DHX34: variants seen among roughly 807,000 people sequenced by gnomAD.
The protein encoded by DHX34 is probable ATP-dependent RNA helicase DHX34.
DHX34 carries 96 observed loss-of-function variants against 111.1 expected under a neutral mutation model. The observed-to-expected ratio is 0.86, with a 90% CI of 0.73 to 1.02. The LOEUF is 1.02. Ranked by LOEUF, DHX34 falls within the 50% of genes least tolerant of loss-of-function variation. The pLI is 0.00. For synonymous variants in DHX34, 688 were observed against 670.4 expected (o/e 1.03, Z -0.41); for missense variants, 1,560 against 1,579.9 (o/e 0.99, Z 0.21).
At chr19:47,364,016 C>T (rs762146362) in intron 6 of DHX34, among the ~76,000 whole-genome samples, 3 of 152,074 alleles carry the variant, frequency 2.0e-5, no homozygotes, top group African/African-American at 2.4e-5. Flanking sequence ...CACATGGTCA[C>T]GAATGGCCAA....
intron 9 of DHX34, among the ~76,000 whole-genome samples, chr19:47,374,442 A>C (rs1970070428): frequency 6.6e-6 from 1 of 151,594 alleles, no homozygotes; most frequent in Admixed American, 6.6e-5. Flanking sequence ...CACTCAAAAA[A>C]AAAAAAAAAA....
At chr19:47,376,861 T>C (rs1456717365) in intron 12 of DHX34, 18 of 1,532,280 alleles carry the variant, frequency 1.2e-5, no homozygotes, top group Non-Finnish European at 1.4e-5. Context: ...AGGTGGGTCC[T>C]GCAGAGGGAG....
intron 7 of DHX34, among the ~76,000 whole-genome samples, chr19:47,368,899 T>G (rs1969885714): frequency 6.6e-6 from 1 of 151,830 alleles, no homozygotes; most frequent in Non-Finnish European, 1.5e-5. Flanking sequence ...TTGTTTTGTT[T>G]TGAGACAGTG....
intron 16 of DHX34, 189 bp downstream of exon 16, chr19:47,381,513 C>CGTG: frequency 1.3e-6 from 1 of 793,316 alleles, no homozygotes; most frequent in Non-Finnish European, 1.9e-6. Context: ...GAGCCTGGAG[C>CGTG]GCCACCTCTT....
At chr19:47,380,437 TC>T (rs2122382567) in intron 14 of DHX34, among the ~76,000 whole-genome samples, 1 of 151,918 alleles carries the variant, frequency 6.6e-6, no homozygotes, top group South Asian at 2.1e-4. Context: ...CAGGCTGACT[TC>T]CTGGAGTAGA....
In DHX34 at chr19:47,381,196, A is replaced by C. The variant is rs766643840; in HGVS notation, c.3170A>C (p.Asp1057Ala). The C allele has an allele frequency of 1.9e-6, 3 of 1,614,022 alleles. No homozygotes were observed. The Admixed American group carries it at 5.0e-5, about 27-fold the overall frequency. Reference sequence around the variant, plus strand: ...GCTGGCCTGCCACAGAATGACACAGACCTGTACAGCGACTGTCTCCGAACC... The same window carrying C: ...GCTGGCCTGCCACAGAATGACACAGCCCTGTACAGCGACTGTCTCCGAACC... Reference protein sequence around the residue: ...LTYNCLTNDTDLYSDCLRTFW... With the variant: ...LTYNCLTNDTALYSDCLRTFW... The change falls in exon 16 of 17, where the codon GAC (aspartate) becomes GCC (alanine). Residue 1057 changes from aspartate to alanine, a missense_variant. Asp to Ala is a moderately radical substitution (Grantham distance 126). Transcript: ENST00000328771.
intron 7 of DHX34, among the ~76,000 whole-genome samples, chr19:47,368,611 AAT>A (rs1491510854): frequency 8.2e-6 from 1 of 121,876 alleles, no homozygotes; most frequent in East Asian, 2.3e-4. Flanking sequence ...CGGTCCATTG[AAT>A]GTGTGTGTGT....
Position 47,353,649 on chromosome 19 carries a change from G to A in DHX34, c.619G>A (p.Val207Met). 1 of 1,613,230 alleles carries A rather than the reference G, an allele frequency of 6.2e-7. No individual in the cohort carries two copies. Among genetic ancestry groups the A allele is most frequent in the Non-Finnish European group, 8.5e-7 (1 of 1,179,950 alleles). ...CCTGCTGGCTGCTGGCTTCAGTCATGTGGCGTGCACCCAGCCCCGGCGGAT... is the reference window on the plus strand; with the variant it reads ...CCTGCTGGCTGCTGGCTTCAGTCATATGGCGTGCACCCAGCCCCGGCGGAT... ...QYLLAAGFSH[V>M]ACTQPRRIAC... The change falls in exon 2 of 17, where the codon GTG becomes ATG. Residue 207 changes from valine to methionine, a missense_variant. Coordinates refer to ENST00000328771, the MANE Select transcript of DHX34 (RefSeq NM_014681.6). This position sits in a 1 kb window ranked among gnomAD's most constrained non-coding sequence, Gnocchi z 4.6.
Position 47,380,992 on chromosome 19 carries a change from G to C in DHX34, c.3159G>C (p.Thr1053=). The change falls in exon 15 of 17, where the codon ACG becomes ACC. Residue 1053 remains threonine (T), a splice_region_variant and synonymous_variant. Transcript: ENST00000328771. ...ACTTCCTCACCTACAACTGCCTCAC[G>C]GTAAGCATGAACCCTCCTTCCCTGA... ...VTDFLTYNCL[T]NDTDLYSDCL... is the part of the protein sequence containing the mutation. 1 of 1,570,808 alleles carries C rather than the reference G, an allele frequency of 6.4e-7. No individual in the cohort carries two copies.
At position 47,357,916 on chromosome 19, in the gene DHX34, G is replaced by C. The variant is rs778289113; in HGVS notation, c.1068G>C (p.Lys356Asn). 5 of 1,613,906 alleles carry C rather than the reference G, an allele frequency of 3.1e-6. No homozygotes were observed. The African/African-American group carries it at 6.7e-5, about 22-fold the overall frequency. ...AGCCGACCACGTCCAAGTCAGAGAA[G>C]CTGGACCCGCGGCCTTTCCTGAGGG... The part of the protein sequence containing the change: ...EAEPTTSKSE[K>N]LDPRPFLRVL... Residue 356 changes from lysine to asparagine, a missense_variant, in exon 4 of 17, where the codon AAG (lysine) becomes AAC (asparagine). Physicochemically the swap from Lys to Asn is moderately conservative, Grantham distance 94. Coordinates refer to ENST00000328771, the MANE Select transcript of DHX34 (RefSeq NM_014681.6).
In DHX34 at chr19:47,360,084, T is replaced by C; in HGVS notation, c.1375+14T>C. The C allele has an allele frequency of 6.2e-7, 1 of 1,612,230 alleles. No homozygotes were observed. Among genetic ancestry groups the C allele is most frequent in the South Asian group, 1.1e-5 (1 of 91,044 alleles). ...TAGTAGATTCCGGTAAGGACCACCA[T>C]GAGCCCCTACCCACCACCCCCAAGG... is the stretch of plus-strand genomic sequence containing the variant. On this transcript the variant is annotated intron_variant, in intron 5 of 16. Coordinates refer to ENST00000328771, the MANE Select transcript of DHX34 (RefSeq NM_014681.6).
chr19:47,362,330 A>C, intron 5 of DHX34, 146 bp from the exon 6 acceptor site: 4 of 1,208,694 alleles, frequency 3.3e-6, no homozygotes, highest in Non-Finnish European at 4.2e-6. Flanking sequence ...ACAAAATGTC[A>C]GAGTTGGGCC....
chr19:47,352,901 A>G lies in DHX34; in HGVS notation c.-130A>G, dbSNP rs1221556784. On this transcript the variant is annotated 5_prime_UTR_variant, in exon 2 of 17. Transcript: ENST00000328771. ...GTCCTGTGCCGTGACCAGGAGGAAA[A>G]ATTAGCTCTTTGAAGAGAAAGTAGT... is the stretch of plus-strand genomic sequence containing the variant. The G allele has an allele frequency of 5.5e-6, 8 of 1,446,390 alleles. No homozygotes were observed. The highest frequency in any genetic ancestry group is 7.3e-6 in the Non-Finnish European group (8 of 1,101,664). The allele number at this position is 1,446,390 out of a possible 1,614,324, so 89.6% of individuals were successfully genotyped here.
Position 47,377,036 on chromosome 19 carries a change from G to A in DHX34, c.2600-64G>A, listed in dbSNP as rs1599775352. 3 of 1,610,332 alleles carry A rather than the reference G, an allele frequency of 1.9e-6. No homozygotes were observed. The Admixed American group carries it at 5.0e-5, about 27-fold the overall frequency. On this transcript the variant is annotated intron_variant, in intron 12 of 16. Coordinates refer to ENST00000328771, the MANE Select transcript of DHX34 (RefSeq NM_014681.6). ...ATGTGTACTTTGACCGGGTGGGACA[G>A]GCGGGCTTCTGATGGGCCTGGGTGG...
At position 47,381,937 on chromosome 19, in the gene DHX34, A is replaced by G. The variant is rs117477245; in HGVS notation, c.3299-43A>G. On this transcript the variant is annotated intron_variant, in intron 16 of 16. Coordinates refer to ENST00000328771, the MANE Select transcript of DHX34 (RefSeq NM_014681.6). ...CATTTGGGTGCAGGTAGACCTGTGC[A>G]CTGGAACACGCCCCTCACAGCCTCC... 9.8e-3 allele frequency: 15,798 copies of G among 1,613,162 alleles called. 96 individuals carry two copies. The highest frequency in any genetic ancestry group is 0.012 in the Non-Finnish European group (14,034 of 1,179,604).
chr19:47,354,968 A>G (rs992092749), intron 2 of DHX34, 71 bp from the exon 3 acceptor site: 86 of 1,568,208 alleles, frequency 5.5e-5, no homozygotes, highest in Non-Finnish European at 6.8e-5. Context: ...TAGATTTTCA[A>G]TTTGGGCAGG....
intron 15 of DHX34, 93 bp from the exon 16 acceptor site, chr19:47,381,093 G>A (rs984128128): frequency 1.2e-5 from 19 of 1,570,070 alleles, no homozygotes; most frequent in Non-Finnish European, 1.6e-5. Flanking sequence ...GGGGCCCGTG[G>A]CCCTGAGGGC....
chr19:47,364,600 A>C (rs1029518826), intron 6 of DHX34, among the ~76,000 whole-genome samples: 17 of 151,736 alleles, frequency 1.1e-4, no homozygotes, highest in African/African-American at 3.9e-4. Flanking sequence ...AAATTAGCCC[A>C]GTGTGATGGC....
At position 47,367,257 on chromosome 19, in the gene DHX34, G is replaced by C. The variant is rs551739410; in HGVS notation, c.1768+102G>C. The stretch of plus-strand genomic sequence containing the variant: ...GGGGGCAAGTCTGTTTCTTCCCTGG[G>C]TCCAGTTCATTTATTCACTCTTCAC... On this transcript the variant is annotated intron_variant, in intron 7 of 16. Transcript: ENST00000328771. The C allele has an allele frequency of 1.4e-5, 17 of 1,239,042 alleles. No homozygotes were observed. The African/African-American group carries it at 2.7e-4, about 19-fold the overall frequency. 76.8% of individuals were successfully genotyped at this position (1,239,042 alleles called of 1,614,324 possible). A position where few individuals can be genotyped will look rare whatever the true frequency, so the allele number is the denominator to read the frequency against.
Sources: allele counts gnomAD v4.1 joint callset (sites outside exome capture counted in the v4.1 genomes callset), GRCh38; gene constraint gnomAD v4.1.1; non-coding constraint Gnocchi (gnomAD v3.1); transcripts MANE v1.5; gene names NCBI Gene and HGNC (gene_info 2026-07-23, HGNC 2026-07-21).